The following GRIA2 variants were observed in gnomAD, a reference collection of about 807,000 sequenced individuals.
GRIA2 encodes glutamate receptor 2.
A neutral mutation model predicts 97.3 loss-of-function variants in GRIA2; 14 were observed. The ratio of observed to expected loss-of-function variants is 0.14; its 90% CI spans 0.10 to 0.23. The LOEUF is 0.23. GRIA2 is among the 10% of genes least tolerant of loss of function. GRIA2 has a pLI of 1.00. For missense variants in GRIA2, 558 were observed against 1,069.8 expected (o/e 0.52, Z 6.67); for synonymous variants, 412 against 387.8 (o/e 1.06, Z -0.73).
At chr4:157,337,151 C>T (rs549197996) in intron 11 of GRIA2, among the ~76,000 whole-genome samples, 3 of 152,080 alleles carry the variant, frequency 2.0e-5, no homozygotes, top group African/African-American at 4.8e-5. Flanking sequence ...GATAAAACTT[C>T]GTTGGCACAC....
At chr4:157,282,832 C>T (rs1732668471) in intron 2 of GRIA2, among the ~76,000 whole-genome samples, 1 of 151,996 alleles carries the variant, frequency 6.6e-6, no homozygotes, top group Admixed American at 6.6e-5. Context: ...GGCCTGAGCC[C>T]AGAAAATATG....
Position 157,243,301 on chromosome 4 carries a change from TA to T in GRIA2, c.229+21495del, listed in dbSNP as rs754862148. On this transcript the variant is annotated intron_variant, in intron 2 of 15. Coordinates refer to ENST00000264426, the MANE Select transcript of GRIA2 (RefSeq NM_001083619.3). ...TTTGAGCCAGTTTAGGCAAAACAGA[TA>T]GCTTTTTATTTATTTTAGAAATCTG... Among the ~76,000 whole-genome samples, 195 of 152,228 alleles carry T rather than the reference TA, an allele frequency of 1.3e-3. 2 individuals carry two copies. Among genetic ancestry groups the T allele is most frequent in the Middle Eastern group, 0.01 (3 of 294 alleles).
chr4:157,324,583 G>A (rs1734723114), intron 6 of GRIA2, among the ~76,000 whole-genome samples: 1 of 152,144 alleles, frequency 6.6e-6, no homozygotes, highest in Non-Finnish European at 1.5e-5. Context: ...GCTTGGGGAA[G>A]TGCAAAATGT....
chr4:157,312,643 A>G lies in GRIA2; in HGVS notation c.470-36A>G, dbSNP rs773792270. ...TAACACAATCCTGAGTTATTCACGT[A>G]TCTTTATCAGTCATCATTTTTCTTT... On this transcript the variant is annotated intron_variant, in intron 3 of 15. Coordinates refer to ENST00000264426, the MANE Select transcript of GRIA2 (RefSeq NM_001083619.3). The G allele has an allele frequency of 7.5e-6, 9 of 1,200,934 alleles. No individual in the cohort carries two copies. The East Asian group carries it at 1.0e-4, about 13-fold the overall frequency. 74.4% of individuals were successfully genotyped at this position (1,200,934 alleles called of 1,614,324 possible). A position where few individuals can be genotyped will look rare whatever the true frequency, so the allele number is the denominator to read the frequency against.
At chr4:157,223,728 G>T (rs1329056904) in intron 2 of GRIA2, among the ~76,000 whole-genome samples, 3 of 152,188 alleles carry the variant, frequency 2.0e-5, no homozygotes, top group Non-Finnish European at 4.4e-5. Flanking sequence ...TGAATGTGAA[G>T]TGAAAGTATT....
intron 3 of GRIA2, among the ~76,000 whole-genome samples, chr4:157,310,261 T>C (rs1734021773): frequency 6.6e-6 from 1 of 152,206 alleles, no homozygotes; most frequent in South Asian, 2.1e-4. Flanking sequence ...TATGGTCTTT[T>C]TACATTATCC....
intron 14 of GRIA2, among the ~76,000 whole-genome samples, chr4:157,362,234 C>A (rs148817082): frequency 1.8e-4 from 27 of 152,210 alleles, no homozygotes; most frequent in Middle Eastern, 6.8e-3. Context: ...TGAGAATGTA[C>A]TGGAACCTTC....
rs1160959294 is a variant in GRIA2, at chr4:157,315,578, C to G, written c.667-2080C>G. 2.6e-5 allele frequency among the ~76,000 whole-genome samples: 4 copies of G among 151,864 alleles called. No individual in the cohort carries two copies. In the East Asian group the frequency reaches 5.8e-4, roughly 22 times the overall value. ...TTTGTTTTTGACACAGATTCTCGCTCTGTCGCCAGGCTGGACTGCAGTGGC... is the reference window on the plus strand; with the variant it reads ...TTTGTTTTTGACACAGATTCTCGCTGTGTCGCCAGGCTGGACTGCAGTGGC... On this transcript the variant is annotated intron_variant, in intron 4 of 15. Coordinates refer to ENST00000264426, the MANE Select transcript of GRIA2 (RefSeq NM_001083619.3).
At chr4:157,261,974 TG>T (rs1731555798) in intron 2 of GRIA2, among the ~76,000 whole-genome samples, 1 of 152,120 alleles carries the variant, frequency 6.6e-6, no homozygotes, top group South Asian at 2.1e-4. Context: ...ACTGGTTATA[TG>T]CTCAAAAGTT....
Position 157,220,935 on chromosome 4 carries a change from G to C in GRIA2, c.-108G>C, listed in dbSNP as rs1729463444. 1 of 709,622 alleles carries C rather than the reference G, an allele frequency of 1.4e-6. No homozygotes were observed. Among genetic ancestry groups the C allele is most frequent in the Non-Finnish European group, 2.6e-6 (1 of 388,964 alleles). The allele number at this position is 709,622 out of a possible 1,614,324, so 44.0% of individuals were successfully genotyped here. Reference sequence around the variant, plus strand: ...TTTAGCAGCTTGGTGCTAAATTGCTGTCTCAAAATGCAGAGGATCTAATTT... The same window carrying C: ...TTTAGCAGCTTGGTGCTAAATTGCTCTCTCAAAATGCAGAGGATCTAATTT... On this transcript the variant is annotated 5_prime_UTR_variant, in exon 1 of 16. Coordinates refer to ENST00000264426, the MANE Select transcript of GRIA2 (RefSeq NM_001083619.3).
At chr4:157,351,589 C>A (rs1736012396) in intron 12 of GRIA2, among the ~76,000 whole-genome samples, 1 of 152,158 alleles carries the variant, frequency 6.6e-6, no homozygotes, top group South Asian at 2.1e-4. Flanking sequence ...CAAGCATTAA[C>A]ATGTGATATG....
At chr4:157,256,234 A>C (rs1464038724) in intron 2 of GRIA2, among the ~76,000 whole-genome samples, 1 of 97,964 alleles carries the variant, frequency 1.0e-5, no homozygotes, top group South Asian at 2.5e-4. Context: ...ATAATATATA[A>C]TATATATATA....
At chr4:157,238,382 C>T (rs1334725948) in intron 2 of GRIA2, among the ~76,000 whole-genome samples, 1 of 151,958 alleles carries the variant, frequency 6.6e-6, no homozygotes, top group Admixed American at 6.6e-5. Flanking sequence ...CCTTGAAGAC[C>T]CATTGGCTTT....
chr4:157,312,709 C>A lies in GRIA2; in HGVS notation c.500C>A (p.Ser167Tyr). The change falls in exon 4 of 16, where the codon TCT becomes TAT. Residue 167 changes from serine to tyrosine, a missense_variant. Ser to Tyr is a moderately radical substitution (Grantham distance 144, BLOSUM62 -2). This residue lies in a region of GRIA2 where 173 missense variants were observed against 209.1 expected (regional missense o/e 0.83). Coordinates refer to ENST00000264426, the MANE Select transcript of GRIA2 (RefSeq NM_001083619.3). Reference protein sequence around the residue: ...GLSTLQAVLDSAAEKKWQVTA... With the variant: ...GLSTLQAVLDYAAEKKWQVTA... ...TCAACACTGCAAGCTGTGCTGGATT[C>A]TGCTGCTGAAAAGAAATGGCAAGTG... The A allele has an allele frequency of 6.2e-7, 1 of 1,610,302 alleles. No individual in the cohort carries two copies. Among genetic ancestry groups the A allele is most frequent in the Non-Finnish European group, 8.5e-7 (1 of 1,177,602 alleles).
intron 2 of GRIA2, among the ~76,000 whole-genome samples, chr4:157,230,422 G>A (rs1031629600): frequency 1.3e-5 from 2 of 152,132 alleles, no homozygotes; most frequent in Non-Finnish European, 1.5e-5. Context: ...GAGAAAAAGG[G>A]AAAAACTCTA....
intron 2 of GRIA2, among the ~76,000 whole-genome samples, chr4:157,271,526 C>CAT (rs970030210): frequency 1.3e-5 from 2 of 152,092 alleles, no homozygotes; most frequent in Non-Finnish European, 2.9e-5. Flanking sequence ...TGAAGAGACA[C>CAT]ATAGGGTGAG....
chr4:157,223,641 T>A (rs762734711), intron 2 of GRIA2, among the ~76,000 whole-genome samples: 2 of 152,228 alleles, frequency 1.3e-5, no homozygotes, highest in Non-Finnish European at 2.9e-5. Context: ...TGTGTGTAAT[T>A]GTATACTTAT....
rs1397030273 is a variant in GRIA2, at chr4:157,221,069, C to T, written c.27C>T (p.Val9=). MQKIMHIS[V]LLSPVLWGLI... is the part of the protein sequence containing the mutation. ...TGCAAAAGATTATGCATATTTCTGT[C>T]CTCCTTTCTCCTGTTTTATGGGGAC... The change falls in exon 1 of 16, where the codon GTC becomes GTT. Residue 9 remains valine (V), a synonymous_variant. Transcript: ENST00000264426. The T allele has an allele frequency of 1.9e-6, 3 of 1,588,364 alleles. No individual in the cohort carries two copies. Among genetic ancestry groups the T allele is most frequent in the Non-Finnish European group, 2.6e-6 (3 of 1,156,688 alleles).
At chr4:157,357,591 C>T (rs913063814) in intron 12 of GRIA2, among the ~76,000 whole-genome samples, 6 of 151,956 alleles carry the variant, frequency 3.9e-5, no homozygotes. Context: ...AATCATGCTC[C>T]TCATAAGAAT....
Sources: gnomAD v4.1 joint callset for allele counts (sites outside exome capture counted in the v4.1 genomes callset) on GRCh38, gnomAD v4.1.1 for gene constraint, gnomAD v4.1.1 regional missense constraint, MANE v1.5 for transcripts, NCBI Gene and HGNC (gene_info 2026-07-23, HGNC 2026-07-21) for gene names.